The following RORA variants were observed in gnomAD, a reference collection of about 807,000 sequenced individuals.
RORA encodes the protein nuclear receptor ROR-alpha.
Under a neutral mutation model 69.5 loss-of-function variants are expected in RORA, and 7 were observed. The observed-to-expected ratio is 0.10, with a 90% CI of 0.06 to 0.19. The LOEUF (loss-of-function observed/expected upper bound fraction) is 0.19. Among genes scored for constraint, RORA ranks in the 10% least tolerant of loss-of-function variants. The pLI, the probability that RORA is intolerant of heterozygous loss-of-function variation, is 1.00. For synonymous variants in RORA, 261 were observed against 240.8 expected (o/e 1.08, Z -0.78); for missense variants, 457 against 663.0 (o/e 0.69, Z 3.41).
chr15:60,638,381 CTTTTCTTTTTT>C (rs2069877922), intron 2 of RORA, among the ~76,000 whole-genome samples: 1 of 127,600 alleles, frequency 7.8e-6, no homozygotes, highest in African/African-American at 3.1e-5. Flanking sequence ...ACTGTATTTT[CTTTTCTTTTTT>C]TTTTTTTTTT....
At chr15:61,114,366 A>G (rs2079032451) in intron 1 of RORA, among the ~76,000 whole-genome samples, 1 of 152,186 alleles carries the variant, frequency 6.6e-6, no homozygotes, top group African/African-American at 2.4e-5. Context: ...TGGTGGGGAA[A>G]AAGACCAGGT....
chr15:61,135,312 C>G (rs1391739658), intron 1 of RORA, among the ~76,000 whole-genome samples: 2 of 151,980 alleles, frequency 1.3e-5, no homozygotes, highest in African/African-American at 4.8e-5. Context: ...GCCTGCGCTA[C>G]AGAGAGAGAC....
At chr15:60,501,122 AAAAACCTAGGTC>A in intron 8 of RORA, 53 bp from the exon 9 acceptor site, 1 of 954,090 alleles carries the variant, frequency 1.0e-6, no homozygotes, top group Non-Finnish European at 1.6e-6. Flanking sequence ...GTCTTAGGAG[AAAAACCTAGGTC>A]TTAGGTTTTC....
At chr15:60,934,471 TTGTTG>T in intron 1 of RORA, among the ~76,000 whole-genome samples, 1 of 28,878 alleles carries the variant, frequency 3.5e-5, no homozygotes, top group African/African-American at 6.2e-5. Flanking sequence ...CAAGAGTTTG[TTGTTG>T]TTGTTGTTGT....
At chr15:60,604,009 G>A (rs923322988) in intron 2 of RORA, among the ~76,000 whole-genome samples, 10 of 151,734 alleles carry the variant, frequency 6.6e-5, no homozygotes, top group African/African-American at 1.2e-4. Flanking sequence ...ATGGTGGTGC[G>A]TGCCTGTAAT....
At chr15:60,944,183 T>C (rs191532607) in intron 1 of RORA, among the ~76,000 whole-genome samples, 3 of 152,204 alleles carry the variant, frequency 2.0e-5, no homozygotes, top group African/African-American at 7.2e-5. Flanking sequence ...CTTTAAAAAT[T>C]CCTGAGGCCC....
At chr15:61,137,117 C>T (rs1466066344) in intron 1 of RORA, among the ~76,000 whole-genome samples, 2 of 149,800 alleles carry the variant, frequency 1.3e-5, no homozygotes, top group African/African-American at 4.9e-5. Flanking sequence ...CAAGGGTGTC[C>T]AGGGTGGCAG....
chr15:60,603,352 AGTAGCT>A (rs2068864977), intron 2 of RORA, among the ~76,000 whole-genome samples: 1 of 152,220 alleles, frequency 6.6e-6, no homozygotes, highest in Non-Finnish European at 1.5e-5. Flanking sequence ...TGGTTTCCAG[AGTAGCT>A]GTGCCATTTT....
At chr15:60,771,372 T>C (rs1413215133) in intron 1 of RORA, among the ~76,000 whole-genome samples, 1 of 152,208 alleles carries the variant, frequency 6.6e-6, no homozygotes, top group African/African-American at 2.4e-5. Context: ...CATTGGTACA[T>C]CTCACACACT....
intron 2 of RORA, among the ~76,000 whole-genome samples, chr15:60,549,029 G>T (rs1468533756): frequency 6.6e-6 from 1 of 152,192 alleles, no homozygotes; most frequent in Non-Finnish European, 1.5e-5. Flanking sequence ...TCTTGTGGAA[G>T]AAAACAGGAA....
intron 1 of RORA, among the ~76,000 whole-genome samples, chr15:61,115,636 G>A (rs542989886): frequency 2.0e-5 from 3 of 152,330 alleles, no homozygotes; most frequent in Admixed American, 6.5e-5. Flanking sequence ...CCCTGGGAAG[G>A]AAAATGCCTC....
intron 2 of RORA, among the ~76,000 whole-genome samples, chr15:60,617,148 T>C (rs1318233058): frequency 3.3e-5 from 5 of 152,136 alleles, no homozygotes; most frequent in Non-Finnish European, 7.4e-5. Context: ...TACTAGTGAG[T>C]ACAGTAGGAC....
chr15:60,765,142 C>A (rs1026079846), intron 1 of RORA: 1 of 151,888 alleles, frequency 6.6e-6, no homozygotes, highest in South Asian at 2.1e-4. Flanking sequence ...GATCCCAGGG[C>A]CCATTTCTAA....
At chr15:60,642,432 G>A (rs547893199) in intron 2 of RORA, among the ~76,000 whole-genome samples, 3 of 152,284 alleles carry the variant, frequency 2.0e-5, no homozygotes, top group Admixed American at 6.5e-5. Flanking sequence ...CAACAGTCTG[G>A]CCTCATACCT....
At chr15:61,120,488 A>G (rs112574719) in intron 1 of RORA, among the ~76,000 whole-genome samples, 2 of 151,996 alleles carry the variant, frequency 1.3e-5, no homozygotes, top group Non-Finnish European at 2.9e-5. Context: ...TCACAACTTC[A>G]GGAGATCGAG....
rs536171759 is a variant in RORA, at chr15:61,175,331, G to A, written c.166+53722C>T. ...CCTCAATGAGCACAAATGCCAAGCT[G>A]CCTCAAGGGCAGAGTCTCATGAGAT... On this transcript the variant is annotated intron_variant, in intron 1 of 10. Transcript: ENST00000335670. 3.0e-4 allele frequency among the ~76,000 whole-genome samples: 46 copies of A among 152,242 alleles called. No homozygotes were observed. In the East Asian group the frequency reaches 8.3e-3, roughly 28 times the overall value.
chr15:60,720,002 C>T (rs868471885), intron 1 of RORA, among the ~76,000 whole-genome samples: 1 of 152,266 alleles, frequency 6.6e-6, no homozygotes, highest in East Asian at 1.9e-4. Flanking sequence ...GTCTACAAAG[C>T]CCCACCTCCC....
rs1281613920 is a variant in RORA at position 60,511,608 on chromosome 15, G to A, written c.438C>T (p.Gly146=). ...VGMSRDAVKF[G]RMSKKQRDSL... ...TGTCTCTCTGCTTTTTTGACATTCG[G>A]CCAAATTTTACAGCTGGAAGAAAAA... The change falls in exon 5 of 11, where the codon GGC becomes GGT. Residue 146 remains glycine, a synonymous_variant. Coordinates refer to ENST00000335670, the MANE Select transcript of RORA (RefSeq NM_134261.3). This position sits in a 1 kb window ranked among gnomAD's most constrained non-coding sequence, Gnocchi z 6.4. 6.2e-7 allele frequency: 1 copy of A among 1,604,154 alleles called. No individual in the cohort carries two copies. Among genetic ancestry groups the A allele is most frequent in the Admixed American group, 1.7e-5 (1 of 58,712 alleles).
chr15:60,842,279 A>G (rs1236615191), intron 1 of RORA, among the ~76,000 whole-genome samples: 2 of 151,926 alleles, frequency 1.3e-5, no homozygotes, highest in African/African-American at 4.8e-5. Context: ...ATTTAATATC[A>G]TCCCTGCAGG....
Sources: allele counts gnomAD v4.1 joint callset (sites outside exome capture counted in the v4.1 genomes callset), GRCh38; gene constraint gnomAD v4.1.1; non-coding constraint Gnocchi (gnomAD v3.1); transcripts MANE v1.5; gene names NCBI Gene and HGNC (gene_info 2026-07-23, HGNC 2026-07-21).